The following CNTLN variants were observed in gnomAD, a reference collection of about 807,000 sequenced individuals.
The protein encoded by CNTLN is centlein, centrosomal protein.
Under a neutral mutation model 180.0 loss-of-function variants are expected in CNTLN, and 212 were observed. The ratio of observed to expected loss-of-function variants is 1.18; its 90% CI spans 1.05 to 1.32. CNTLN has a LOEUF of 1.32. Ranked by LOEUF, CNTLN falls within the 40% of genes most tolerant of loss-of-function variation. The pLI, the probability that CNTLN is intolerant of heterozygous loss-of-function variation, is 0.00. For missense variants in CNTLN, 2,095 were observed against 1,610.9 expected (o/e 1.30, Z -5.14); for synonymous variants, 722 against 563.1 (o/e 1.28, Z -3.99).
intron 25 of CNTLN, chr9:17,494,770 T>C: frequency 3.1e-6 from 1 of 323,320 alleles, no homozygotes. Context: ...AAACCTGCTG[T>C]GCTGCCACCC....
chr9:17,471,371 C>T (rs1003716230), intron 23 of CNTLN, among the ~76,000 whole-genome samples: 8 of 152,046 alleles, frequency 5.3e-5, no homozygotes, highest in Admixed American at 2.0e-4. Context: ...GGATCGTGTA[C>T]TATATTTTCC....
intron 5 of CNTLN, among the ~76,000 whole-genome samples, chr9:17,257,692 C>T (rs1826614099): frequency 6.7e-6 from 1 of 150,310 alleles, no homozygotes; most frequent in Admixed American, 6.6e-5. Context: ...GATGGTATCT[C>T]ATTGTGGTTT....
rs532880131 is a variant in CNTLN, at chr9:17,379,259, G to GTT, written c.1988-8894_1988-8893dup. Among the ~76,000 whole-genome samples, 672 of 148,654 alleles carry GTT rather than the reference G, an allele frequency of 4.5e-3. 3 individuals are homozygous for GTT. Among genetic ancestry groups the GTT allele is most frequent in the African/African-American group, 0.015 (605 of 40,598 alleles). On this transcript the variant is annotated intron_variant, in intron 13 of 25. Coordinates refer to ENST00000380647, the MANE Select transcript of CNTLN (RefSeq NM_017738.4). ...TAAGTTTTCTCTAATCCTTTTGGATGTTTTTTTTTTCTCTTAAACTTGGGT... is the reference window on the plus strand; with the variant it reads ...TAAGTTTTCTCTAATCCTTTTGGATGTTTTTTTTTTTTCTCTTAAACTTGGGT...
intron 2 of CNTLN, among the ~76,000 whole-genome samples, chr9:17,223,046 T>G (rs1199333229): frequency 2.0e-5 from 3 of 152,032 alleles, no homozygotes; most frequent in Non-Finnish European, 4.4e-5. Flanking sequence ...TGGATAGCAC[T>G]GAACCCTATG....
intron 5 of CNTLN, among the ~76,000 whole-genome samples, chr9:17,265,128 A>C (rs1162883063): frequency 6.0e-5 from 9 of 148,762 alleles, no homozygotes; most frequent in African/African-American, 2.3e-4. Context: ...CAGTTTTCAA[A>C]GGGAATGCTT....
In CNTLN at chr9:17,483,378, A is replaced by G. The variant is rs143989289; in HGVS notation, c.3856-917A>G. ...GAGATATATATTAGTGCTATCTTGG[A>G]TGGAGAACAGGGATAGAATTAAGTA... On this transcript the variant is annotated intron_variant, in intron 23 of 25. Coordinates refer to ENST00000380647, the MANE Select transcript of CNTLN (RefSeq NM_017738.4). 2.0e-5 allele frequency among the ~76,000 whole-genome samples: 3 copies of G among 152,316 alleles called. No individual in the cohort carries two copies. The South Asian group carries it at 6.2e-4, about 32-fold the overall frequency.
At chr9:17,343,744 G>A (rs1032269129) in intron 12 of CNTLN, among the ~76,000 whole-genome samples, 1 of 151,878 alleles carries the variant, frequency 6.6e-6, no homozygotes, top group Non-Finnish European at 1.5e-5. Context: ...GAGCTGCACC[G>A]TCCATTATCA....
chr9:17,525,067 AT>A, the CNTLN span, among the ~76,000 whole-genome samples: 5 of 152,322 alleles, frequency 3.3e-5, no homozygotes, highest in Admixed American at 1.3e-4. Context: ...ATTGTTGGAC[AT>A]TTTACTAATT....
intron 19 of CNTLN, among the ~76,000 whole-genome samples, chr9:17,462,406 C>T (rs1831508564): frequency 6.6e-6 from 1 of 151,674 alleles, no homozygotes; most frequent in Admixed American, 6.6e-5. Flanking sequence ...AGCTTTAAGG[C>T]CTGGGAACTG....
At chr9:17,315,262 C>T (rs1226691441) in intron 8 of CNTLN, among the ~76,000 whole-genome samples, 1 of 152,032 alleles carries the variant, frequency 6.6e-6, no homozygotes, top group African/African-American at 2.4e-5. Context: ...ATGGATAGAA[C>T]TGTTGATTTG....
intron 2 of CNTLN, among the ~76,000 whole-genome samples, chr9:17,152,405 A>G (rs970065719): frequency 6.6e-6 from 1 of 151,938 alleles, no homozygotes; most frequent in African/African-American, 2.4e-5. Flanking sequence ...TTCTGCCTTC[A>G]TTTCGTTATT....
chr9:17,247,231 C>G (rs1464503806), intron 5 of CNTLN, among the ~76,000 whole-genome samples: 2 of 152,094 alleles, frequency 1.3e-5, no homozygotes, highest in Non-Finnish European at 2.9e-5. Flanking sequence ...GTGGCCTAGA[C>G]TGCCTTTCAA....
At chr9:17,307,810 A>G (rs773047198) in intron 7 of CNTLN, among the ~76,000 whole-genome samples, 5 of 152,144 alleles carry the variant, frequency 3.3e-5, no homozygotes, top group Admixed American at 6.6e-5. Flanking sequence ...TCTTTTATGT[A>G]TGTAAGTTTC....
chr9:17,435,409 C>T (rs2593413), intron 18 of CNTLN, among the ~76,000 whole-genome samples: 104,438 of 151,962 alleles, frequency 0.69, 36,342 homozygotes, highest in South Asian at 0.75. Context: ...CCTCCAAAAA[C>T]GGTACCTTTT....
At chr9:17,228,343 A>G (rs1824604553) in intron 3 of CNTLN, among the ~76,000 whole-genome samples, 1 of 152,012 alleles carries the variant, frequency 6.6e-6, no homozygotes, top group Admixed American at 6.6e-5. Flanking sequence ...TATATAACAT[A>G]TTAAACTCTC....
intron 8 of CNTLN, among the ~76,000 whole-genome samples, chr9:17,315,663 A>G (rs1029103383): frequency 2.0e-5 from 3 of 151,788 alleles, no homozygotes; most frequent in South Asian, 2.1e-4. Flanking sequence ...TCTTTTTTGT[A>G]TCTTCAAAGA....
At chr9:17,416,713 TACCTTACTCCTGG>T (rs1314686713) in intron 18 of CNTLN, among the ~76,000 whole-genome samples, 8 of 152,184 alleles carry the variant, frequency 5.3e-5, no homozygotes, top group Non-Finnish European at 2.9e-5. Flanking sequence ...GTCAACATTA[TACCTTACTCCTGG>T]TAAGGTAATC....
At chr9:17,377,713 A>G (rs1313484429) in intron 13 of CNTLN, among the ~76,000 whole-genome samples, 2 of 152,112 alleles carry the variant, frequency 1.3e-5, no homozygotes, top group South Asian at 2.1e-4. Context: ...TTTCCTCAGA[A>G]CTTTCTAGAT....
Position 17,279,914 on chromosome 9 carries a change from G to A in CNTLN, c.983+6048G>A, listed in dbSNP as rs569702808. Among the ~76,000 whole-genome samples, 4 of 150,006 alleles carry A rather than the reference G, an allele frequency of 2.7e-5. No homozygotes were observed. In the South Asian group the frequency reaches 6.5e-4, roughly 24 times the overall value. On this transcript the variant is annotated intron_variant, in intron 6 of 25. Transcript: ENST00000380647. ...TATTAATGGGTTATTATGGGAATGCGACTGTTGGCCTTATAAGACGAAGAG... is the reference window on the plus strand; with the variant it reads ...TATTAATGGGTTATTATGGGAATGCAACTGTTGGCCTTATAAGACGAAGAG...
Sources: gnomAD v4.1 joint callset for allele counts (sites outside exome capture counted in the v4.1 genomes callset) on GRCh38, gnomAD v4.1.1 for gene constraint, MANE v1.5 for transcripts, NCBI Gene and HGNC (gene_info 2026-07-23, HGNC 2026-07-21) for gene names.